Variants in WSCD1 observed in about 807,000 individuals in gnomAD.
The protein encoded by WSCD1 is WSC domain sialate O sulfotransferase 1, also known as sialate:O-sulfotransferase 1.
Under a neutral mutation model 60.4 loss-of-function variants are expected in WSCD1, and 41 were observed. That is an observed-to-expected ratio of 0.68 (90% CI 0.53 to 0.88). WSCD1 has a LOEUF of 0.88. Among genes scored for constraint, WSCD1 ranks in the 40% least tolerant of loss-of-function variants. The pLI is 0.00. For synonymous variants in WSCD1, 361 were observed against 332.5 expected, an observed-to-expected ratio of 1.09 and a Z score of -0.93; for missense variants, 784 against 796.2, an observed-to-expected ratio of 0.98 and a Z score of 0.18.
intron 4 of WSCD1, among the ~76,000 whole-genome samples, chr17:6,092,399 T>C (rs1479449042): frequency 6.6e-6 from 1 of 152,074 alleles, no homozygotes; most frequent in Non-Finnish European, 1.5e-5. Flanking sequence ...AGGATGTGTC[T>C]GGGAGCTCAG....
At chr17:6,076,056 T>C (rs562068970) in intron 1 of WSCD1, among the ~76,000 whole-genome samples, 2 of 152,272 alleles carry the variant, frequency 1.3e-5, no homozygotes, top group East Asian at 3.9e-4. Flanking sequence ...CTCTCAAGAA[T>C]AAATCTTGCC....
intron 1 of WSCD1, among the ~76,000 whole-genome samples, chr17:6,077,100 T>G (rs1283885463): frequency 6.6e-6 from 1 of 150,620 alleles, no homozygotes; most frequent in African/African-American, 2.4e-5. Flanking sequence ...TTTTTTTTTT[T>G]TTTTTTTGAG....
At chr17:6,096,023 A>G (rs990490305) in intron 5 of WSCD1, among the ~76,000 whole-genome samples, 8 of 152,192 alleles carry the variant, frequency 5.3e-5, no homozygotes, top group African/African-American at 1.9e-4. Context: ...AGGTGAGAGG[A>G]TGGCCTTGGC....
At chr17:6,088,448 T>G (rs536117833) in intron 3 of WSCD1, among the ~76,000 whole-genome samples, 2 of 152,330 alleles carry the variant, frequency 1.3e-5, no homozygotes, top group African/African-American at 4.8e-5. Flanking sequence ...CTTTGATGAG[T>G]TCTTTTCCTT....
intron 5 of WSCD1, among the ~76,000 whole-genome samples, chr17:6,107,982 T>C (rs958666924): frequency 1.3e-5 from 2 of 152,100 alleles, no homozygotes; most frequent in African/African-American, 4.8e-5. Flanking sequence ...GGTGCCTCCT[T>C]GGCTTGAAGA....
At position 6,122,565 on chromosome 17, in the gene WSCD1, T is replaced by C. The variant is rs1904778611; in HGVS notation, c.*1904T>C. On this transcript the variant is annotated 3_prime_UTR_variant, in exon 9 of 9. Coordinates refer to ENST00000317744, the MANE Select transcript of WSCD1 (RefSeq NM_015253.2). ...AGTTTCCACACTGCTGTGGACGGGA[T>C]AGCCAGGGCAGACCTGCATCCCAGA... is the stretch of plus-strand genomic sequence containing the variant. The C allele has an allele frequency of 6.6e-6, 1 of 152,220 alleles. No homozygotes were observed. The highest frequency in any genetic ancestry group is 1.5e-5 in the Non-Finnish European group (1 of 68,082). 9.4% of individuals were successfully genotyped at this position (152,220 alleles called of 1,614,324 possible).
rs75910406 is a variant in WSCD1 at position 6,099,596 on chromosome 17, G to T, written c.849+4373G>T. Among the ~76,000 whole-genome samples the T allele has an allele frequency of 3.9e-5, 6 of 151,912 alleles. No homozygotes were observed. In the East Asian group the frequency reaches 1.2e-3, roughly 29 times the overall value. ...TCTTTTCCTTGTTACCAGGTGTACC[G>T]AGTGTCATGGCCACCTCCAGATAAC... On this transcript the variant is annotated intron_variant, in intron 5 of 8. Transcript: ENST00000317744.
At position 6,122,346 on chromosome 17, in the gene WSCD1, G is replaced by A. The variant is rs566051274; in HGVS notation, c.*1685G>A. The A allele has an allele frequency of 6.6e-6, 1 of 152,318 alleles. No homozygotes were observed. The highest frequency in any genetic ancestry group is 1.9e-4 in the East Asian group (1 of 5,178). 9.4% of individuals were successfully genotyped at this position (152,318 alleles called of 1,614,324 possible). A position where few individuals can be genotyped will look rare whatever the true frequency, so the allele number is the denominator to read the frequency against. Reference sequence around the variant, plus strand: ...CTGGTGGCCTCCAAATCCTTCCTGGGATTCCCCCAAACCCACACTGATGCG... The same window carrying A: ...CTGGTGGCCTCCAAATCCTTCCTGGAATTCCCCCAAACCCACACTGATGCG... On this transcript the variant is annotated 3_prime_UTR_variant, in exon 9 of 9. Transcript: ENST00000317744.
chr17:6,114,865 CTG>C (rs985810353), intron 7 of WSCD1, among the ~76,000 whole-genome samples: 4 of 151,934 alleles, frequency 2.6e-5, no homozygotes, highest in African/African-American at 9.7e-5. Context: ...CAACAGGCCC[CTG>C]TGTGTGATAT....
In WSCD1 at chr17:6,121,917, A is replaced by C. The variant is rs1181202854; in HGVS notation, c.*1256A>C. 2.0e-5 allele frequency: 3 copies of C among 152,362 alleles called. No individual in the cohort carries two copies. The highest frequency in any genetic ancestry group is 7.2e-5 in the African/African-American group (3 of 41,450). The allele number at this position is 152,362 out of a possible 1,614,324, so 9.4% of individuals were successfully genotyped here. A position where few individuals can be genotyped will look rare whatever the true frequency, so the allele number is the denominator to read the frequency against. ...AGGAGCAACGCTCAAGGTGGCCGAG[A>C]TGCAGGGAGGATTGTGGCGATCCGG... On this transcript the variant is annotated 3_prime_UTR_variant, in exon 9 of 9. Coordinates refer to ENST00000317744, the MANE Select transcript of WSCD1 (RefSeq NM_015253.2).
chr17:6,087,103 C>T (rs749763796), intron 2 of WSCD1, among the ~76,000 whole-genome samples: 8 of 152,174 alleles, frequency 5.3e-5, no homozygotes, highest in Non-Finnish European at 8.8e-5. Context: ...GACTGTGTGA[C>T]GGCGTGTTTG....
chr17:6,119,098 C>T (rs756268780), intron 8 of WSCD1, among the ~76,000 whole-genome samples: 5 of 152,170 alleles, frequency 3.3e-5, no homozygotes, highest in Non-Finnish European at 7.3e-5. Context: ...ACAAGGGCCC[C>T]ACCCTCATGA....
At chr17:6,081,696 C>T (rs1909287773) in intron 2 of WSCD1, among the ~76,000 whole-genome samples, 1 of 151,198 alleles carries the variant, frequency 6.6e-6, no homozygotes, top group South Asian at 2.1e-4. Context: ...GGGAAGGAGA[C>T]TCTGTCTCAA....
intron 2 of WSCD1, among the ~76,000 whole-genome samples, chr17:6,081,325 C>T (rs534434762): frequency 5.9e-5 from 9 of 152,130 alleles, no homozygotes; most frequent in East Asian, 3.9e-4. Context: ...CTTAGCGCTC[C>T]GGCTTTGGAT....
At chr17:6,084,798 C>G (rs1226625212) in intron 2 of WSCD1, 1 of 152,232 alleles carries the variant, frequency 6.6e-6, no homozygotes, top group Admixed American at 6.5e-5. Flanking sequence ...AGGAATAAAT[C>G]CGCCTCAGAG....
chr17:6,116,168 C>G (rs1911675544), intron 7 of WSCD1, among the ~76,000 whole-genome samples: 1 of 152,182 alleles, frequency 6.6e-6, no homozygotes, highest in Admixed American at 6.5e-5. Flanking sequence ...AGGAATCACC[C>G]ACTGTGCCCA....
At chr17:6,090,610 C>G in intron 4 of WSCD1, 105 bp downstream of exon 4, 1 of 1,429,364 alleles carries the variant, frequency 7.0e-7, no homozygotes, top group South Asian at 1.3e-5. Flanking sequence ...AGAACCTGTG[C>G]CAACCTCTGC....
chr17:6,097,207 C>G (rs751376337), intron 5 of WSCD1, among the ~76,000 whole-genome samples: 1 of 152,160 alleles, frequency 6.6e-6, no homozygotes, highest in Non-Finnish European at 1.5e-5. Flanking sequence ...GGGGAAGAGA[C>G]GGAGAAGATG....
At chr17:6,105,414 C>T (rs1911032843) in intron 5 of WSCD1, among the ~76,000 whole-genome samples, 1 of 152,168 alleles carries the variant, frequency 6.6e-6, no homozygotes, top group African/African-American at 2.4e-5. Context: ...CTGAAGCACC[C>T]TTTCTCTCTC....
Sources: allele counts gnomAD v4.1 joint callset (sites outside exome capture counted in the v4.1 genomes callset), GRCh38; gene constraint gnomAD v4.1.1; transcripts MANE v1.5; gene names NCBI Gene and HGNC (gene_info 2026-07-23, HGNC 2026-07-21).